SLC36A1: variants seen among roughly 807,000 people sequenced by gnomAD.
The protein encoded by SLC36A1 is solute carrier family 36 member 1.
Under a neutral mutation model 47.5 loss-of-function variants are expected in SLC36A1, and 30 were observed. The observed-to-expected ratio is 0.63, with a 90% CI of 0.47 to 0.86. The LOEUF (loss-of-function observed/expected upper bound fraction) is 0.86, where lower values mean the gene tolerates loss of function less well. SLC36A1 is among the 40% of genes least tolerant of loss of function. The probability of loss-of-function intolerance (pLI) is 0.00; values close to 1 mark genes in which losing one functional copy is unlikely to be tolerated. For missense variants in SLC36A1, 517 were observed against 606.0 expected, an observed-to-expected ratio of 0.85 and a Z score of 1.54; for synonymous variants, 255 against 249.7, an observed-to-expected ratio of 1.02 and a Z score of -0.20.
At chr5:151,543,963 G>A in the SLC36A1 span, 11 of 1,614,000 alleles carry the variant, frequency 6.8e-6, no homozygotes, top group Admixed American at 1.7e-4. Context: ...CCAGTTCACT[G>A]ACATTGGCTT....
chr5:151,360,261 A>G, the SLC36A1 span, among the ~76,000 whole-genome samples: 9 of 152,280 alleles, frequency 5.9e-5, no homozygotes, highest in Admixed American at 3.3e-4. Context: ...ATGGTTTACT[A>G]TTTACTGGAA....
At chr5:151,534,548 C>T in the SLC36A1 span, 7 of 1,614,168 alleles carry the variant, frequency 4.3e-6, no homozygotes, top group Non-Finnish European at 5.9e-6. Flanking sequence ...TGATGTCTGC[C>T]TGGCACGATC....
chr5:151,463,621 C>A lies in SLC36A1; in HGVS notation c.212C>A (p.Ala71Glu). 1 of 1,614,054 alleles carries A rather than the reference C, an allele frequency of 6.2e-7. No individual in the cohort carries two copies. Among genetic ancestry groups the A allele is most frequent in the Non-Finnish European group, 8.5e-7 (1 of 1,179,940 alleles). Residue 71 changes from alanine (A) to glutamate (E), a missense_variant, in exon 3 of 11, where the codon GCG becomes GAG. Coordinates refer to ENST00000243389, the MANE Select transcript of SLC36A1 (RefSeq NM_078483.4). ...IGTGLLGLPL[A>E]VKNAGIVMGP... is the part of the protein sequence containing the mutation. ...ACAGGACTCCTGGGACTCCCTCTGGCGGTGAAAAATGCAGGCATCGTGGTA... is the reference window on the plus strand; with the variant it reads ...ACAGGACTCCTGGGACTCCCTCTGGAGGTGAAAAATGCAGGCATCGTGGTA...
the SLC36A1 span, among the ~76,000 whole-genome samples, chr5:151,389,149 T>A: frequency 2.0e-5 from 3 of 152,208 alleles, no homozygotes; most frequent in African/African-American, 7.2e-5. Flanking sequence ...TCTGGCCTGG[T>A]TACAATGCTG....
At chr5:151,395,996 G>A in the SLC36A1 span, among the ~76,000 whole-genome samples, 1 of 151,886 alleles carries the variant, frequency 6.6e-6, no homozygotes, top group Non-Finnish European at 1.5e-5. Flanking sequence ...TTTTACTAGA[G>A]ATGGGATCTC....
rs1044916369 is a variant in SLC36A1, at chr5:151,469,153, T to G, written c.723+1228T>G. 1.3e-5 allele frequency: 8 copies of G among 615,656 alleles called. No individual in the cohort carries two copies. In the African/African-American group the frequency reaches 1.5e-4, roughly 11 times the overall value. 38.1% of individuals were successfully genotyped at this position (615,656 alleles called of 1,614,324 possible). On this transcript the variant is annotated intron_variant, in intron 7 of 10. Transcript: ENST00000243389. Reference sequence around the variant, plus strand: ...ATTCATCAGTACATATTCATTAAAATGCAGACAACACAAATACCTCTTGAA... The same window carrying G: ...ATTCATCAGTACATATTCATTAAAAGGCAGACAACACAAATACCTCTTGAA...
chr5:151,467,129 C>A, intron 5 of SLC36A1, 70 bp from the exon 6 acceptor site: 1 of 1,227,952 alleles, frequency 8.1e-7, no homozygotes, highest in Non-Finnish European at 1.2e-6. Flanking sequence ...AAACAAAAAA[C>A]ACCTCCCCTT....
intron 6 of SLC36A1, 34 bp downstream of exon 6, chr5:151,467,317 AAAACC>A (rs754138771): frequency 1.4e-6 from 2 of 1,388,650 alleles, no homozygotes; most frequent in Non-Finnish European, 2.0e-6. Context: ...AAAAAAAAAA[AAAACC>A]AGAGCGAGAA....
the SLC36A1 span, among the ~76,000 whole-genome samples, chr5:151,388,218 C>T: frequency 6.6e-6 from 1 of 152,052 alleles, no homozygotes; most frequent in Non-Finnish European, 1.5e-5. Flanking sequence ...TGATAAGAAC[C>T]TTGGTCTTGG....
intron 8 of SLC36A1, 41 bp downstream of exon 8, chr5:151,473,812 C>A: frequency 7.0e-7 from 1 of 1,424,190 alleles, no homozygotes; most frequent in Non-Finnish European, 9.9e-7. Flanking sequence ...TTCTCTGGTG[C>A]CCTTGGTGTT....
At chr5:151,520,371 C>G in the SLC36A1 span, among the ~76,000 whole-genome samples, 1 of 152,192 alleles carries the variant, frequency 6.6e-6, no homozygotes, top group African/African-American at 2.4e-5. Context: ...ATTTGAATAA[C>G]GAGGCCTTCA....
intron 1 of SLC36A1, among the ~76,000 whole-genome samples, chr5:151,439,107 C>T (rs1264723083): frequency 7.2e-6 from 1 of 139,790 alleles, no homozygotes; most frequent in Non-Finnish European, 1.5e-5. Context: ...GCACGTCTTA[C>T]ATGGCAGCAG....
chr5:151,434,638 C>G (rs888875490), upstream of SLC36A1, among the ~76,000 whole-genome samples: 1 of 152,130 alleles, frequency 6.6e-6, no homozygotes, highest in Non-Finnish European at 1.5e-5. Context: ...GTATTGAAAT[C>G]CTAACCCTCA....
At chr5:151,403,312 G>A in the SLC36A1 span, among the ~76,000 whole-genome samples, 3 of 152,110 alleles carry the variant, frequency 2.0e-5, no homozygotes, top group East Asian at 3.8e-4. Context: ...ATGTTCAATT[G>A]TCATCCCCCC....
chr5:151,482,464 A>T (rs987375225), intron 10 of SLC36A1, among the ~76,000 whole-genome samples: 1 of 152,260 alleles, frequency 6.6e-6, no homozygotes, highest in African/African-American at 2.4e-5. Flanking sequence ...ATGTAAAAAC[A>T]TTTGGGAATA....
At chr5:151,536,387 T>C in the SLC36A1 span, among the ~76,000 whole-genome samples, 1 of 152,064 alleles carries the variant, frequency 6.6e-6, no homozygotes, top group African/African-American at 2.4e-5. Context: ...TGCGACACCC[T>C]TCTCCCCTGC....
At chr5:151,546,974 A>G in the SLC36A1 span, among the ~76,000 whole-genome samples, 3 of 152,216 alleles carry the variant, frequency 2.0e-5, no homozygotes, top group Non-Finnish European at 4.4e-5. Context: ...TGTATTTCCT[A>G]AACTCTAGGC....
the SLC36A1 span, chr5:151,529,492 G>T: frequency 2.2e-6 from 2 of 926,916 alleles, no homozygotes; most frequent in Non-Finnish European, 3.4e-6. Flanking sequence ...AGCTCAACAG[G>T]GCTAGGCAAG....
In SLC36A1 at chr5:151,467,943, C is replaced by A; in HGVS notation, c.723+18C>A. ...TTGTTCAGGTACATGCCTAGGCCCT[C>A]TCCTATCATCTTGGTTCAATATTTT... On this transcript the variant is annotated intron_variant, in intron 7 of 10. Coordinates refer to ENST00000243389, the MANE Select transcript of SLC36A1 (RefSeq NM_078483.4). The A allele has an allele frequency of 6.2e-7, 1 of 1,604,424 alleles. No homozygotes were observed. The highest frequency in any genetic ancestry group is 1.1e-5 in the South Asian group (1 of 90,826).
Sources: allele counts gnomAD v4.1 joint callset (sites outside exome capture counted in the v4.1 genomes callset), GRCh38; gene constraint gnomAD v4.1.1; transcripts MANE v1.5; gene names NCBI Gene and HGNC (gene_info 2026-07-23, HGNC 2026-07-21).